Variants in TP63 observed in about 807,000 individuals in gnomAD.
TP63 encodes tumor protein p63, also known as tumor protein 63.
TP63 carries 17 observed loss-of-function variants against 82.8 expected under a neutral mutation model. The ratio of observed to expected loss-of-function variants is 0.21; its 90% CI spans 0.14 to 0.31. TP63 has a LOEUF of 0.31. TP63 is among the 10% of genes least tolerant of loss of function. TP63 has a pLI of 1.00. For synonymous variants in TP63, 330 were observed against 321.7 expected, an observed-to-expected ratio of 1.03 and a Z score of -0.28; for missense variants, 648 against 895.3, an observed-to-expected ratio of 0.72 and a Z score of 3.52.
At chr3:189,829,895 A>G (rs368769512) in intron 4 of TP63, 4 of 391,162 alleles carry the variant, frequency 1.0e-5, no homozygotes, top group Admixed American at 3.5e-5. Context: ...AAGATAAACA[A>G]TTTTTCTGCA....
At chr3:189,819,895 C>G (rs751833659) in intron 4 of TP63, among the ~76,000 whole-genome samples, 41 of 151,908 alleles carry the variant, frequency 2.7e-4, no homozygotes, top group South Asian at 1.5e-3. Flanking sequence ...GGATTACAGG[C>G]GCGTGACTCC....
At chr3:189,678,113 C>G (rs1715604088) in intron 1 of TP63, among the ~76,000 whole-genome samples, 1 of 151,858 alleles carries the variant, frequency 6.6e-6, no homozygotes. Context: ...TCCCATTTGT[C>G]TATTTTGGAT....
At chr3:189,771,363 A>T (rs548864801) in intron 3 of TP63, among the ~76,000 whole-genome samples, 1,476 of 127,074 alleles carry the variant, frequency 0.012, 24 homozygotes, top group African/African-American at 0.045. Context: ...TTAAATATAT[A>T]ATATATTCAA....
chr3:189,803,823 A>G (rs545272029), intron 3 of TP63, among the ~76,000 whole-genome samples: 62 of 152,370 alleles, frequency 4.1e-4, no homozygotes, highest in Admixed American at 3.5e-3. Flanking sequence ...ATTTTACTTT[A>G]TAAGTTTCAC....
chr3:189,655,391 G>A (rs547663876), intron 1 of TP63, among the ~76,000 whole-genome samples: 32 of 152,242 alleles, frequency 2.1e-4, no homozygotes, highest in African/African-American at 6.7e-4. Context: ...TTGGGAGGCC[G>A]AGGCGGGTGC....
chr3:189,847,087 G>A (rs905278892), intron 4 of TP63, among the ~76,000 whole-genome samples: 1 of 152,184 alleles, frequency 6.6e-6, no homozygotes, highest in Non-Finnish European at 1.5e-5. Flanking sequence ...GCCGGACACA[G>A]TGTCTCACGC....
chr3:189,796,924 G>T (rs913617802), intron 3 of TP63, among the ~76,000 whole-genome samples: 2 of 151,978 alleles, frequency 1.3e-5, no homozygotes, highest in African/African-American at 4.8e-5. Flanking sequence ...AGTACAAATG[G>T]ATCATTGTAT....
At chr3:189,706,982 T>C (rs1718251828) in intron 1 of TP63, among the ~76,000 whole-genome samples, 1 of 150,782 alleles carries the variant, frequency 6.6e-6, no homozygotes, top group Non-Finnish European at 1.5e-5. Context: ...TCTGTTATGG[T>C]TCCTTAAAAG....
intron 3 of TP63, among the ~76,000 whole-genome samples, chr3:189,771,214 T>C (rs1274196893): frequency 6.8e-6 from 1 of 147,964 alleles, no homozygotes; most frequent in Non-Finnish European, 1.5e-5. Flanking sequence ...GATAACGTTT[T>C]CTTTATTATT....
intron 3 of TP63, among the ~76,000 whole-genome samples, chr3:189,765,313 T>C (rs1041541990): frequency 4.7e-4 from 71 of 151,700 alleles, no homozygotes; most frequent in African/African-American, 1.6e-3. Context: ...ATTGTTTTTT[T>C]CCCCCCTGAG....
At chr3:189,772,310 C>T (rs1723438995) in intron 3 of TP63, among the ~76,000 whole-genome samples, 1 of 152,132 alleles carries the variant, frequency 6.6e-6, no homozygotes, top group Non-Finnish European at 1.5e-5. Context: ...CACTGAAGCT[C>T]CTAGAAGTGA....
chr3:189,718,129 A>G (rs989389605), intron 1 of TP63, among the ~76,000 whole-genome samples: 2 of 152,164 alleles, frequency 1.3e-5, no homozygotes, highest in African/African-American at 4.8e-5. Flanking sequence ...TTGATTCCCA[A>G]GTGTGTGGAG....
intron 3 of TP63, among the ~76,000 whole-genome samples, chr3:189,765,432 G>GTTTTTTTTTTTTT (rs1560167431): frequency 1.1e-3 from 7 of 6,174 alleles, no homozygotes; most frequent in African/African-American, 1.6e-3. Flanking sequence ...CCTGTCCTCT[G>GTTTTTTTTTTTTT]CTTTTTTTTT....
At chr3:189,708,181 A>C (rs113435651) in intron 1 of TP63, among the ~76,000 whole-genome samples, 3 of 152,240 alleles carry the variant, frequency 2.0e-5, no homozygotes, top group Non-Finnish European at 4.4e-5. Flanking sequence ...TAAGCTTAAA[A>C]ATGGTTTACT....
chr3:189,756,675 G>A (rs1722214912), intron 3 of TP63, among the ~76,000 whole-genome samples: 1 of 152,150 alleles, frequency 6.6e-6, no homozygotes, highest in South Asian at 2.1e-4. Context: ...ATTGCCTAGG[G>A]GAAGGTGTTT....
At chr3:189,855,237 G>C (rs545687496) in intron 4 of TP63, among the ~76,000 whole-genome samples, 1 of 152,212 alleles carries the variant, frequency 6.6e-6, no homozygotes, top group Admixed American at 6.5e-5. Context: ...AAAGTTAAAA[G>C]GACCCACCAA....
Position 189,897,129 on chromosome 3 carries a change from A to G in TP63, c.*2627A>G, listed in dbSNP as rs1398285327. ...TTAATGTTTTCAAAAGGTATTATAC[A>G]TGTGATACATTTTTTAAGCTTCAGT... On this transcript the variant is annotated 3_prime_UTR_variant, in exon 14 of 14. Transcript: ENST00000264731. 4 of 223,364 alleles carry G rather than the reference A, an allele frequency of 1.8e-5. No individual in the cohort carries two copies. The highest frequency in any genetic ancestry group is 6.7e-5 in the African/African-American group (3 of 44,836). The allele number at this position is 223,364 out of a possible 1,614,324, so 13.8% of individuals were successfully genotyped here.
At chr3:189,845,123 C>G (rs575708294) in intron 4 of TP63, among the ~76,000 whole-genome samples, 5 of 152,204 alleles carry the variant, frequency 3.3e-5, no homozygotes, top group Non-Finnish European at 7.4e-5. Flanking sequence ...AGACTTTGTA[C>G]TTGATTAACG....
intron 1 of TP63, among the ~76,000 whole-genome samples, chr3:189,676,620 A>G (rs1715421247): frequency 6.6e-6 from 1 of 151,966 alleles, no homozygotes. Flanking sequence ...TAGGGAGTAC[A>G]CGTGGTACAG....
Sources: allele counts gnomAD v4.1 joint callset (sites outside exome capture counted in the v4.1 genomes callset), GRCh38; gene constraint gnomAD v4.1.1; transcripts MANE v1.5; gene names NCBI Gene and HGNC (gene_info 2026-07-23, HGNC 2026-07-21).